Variants in SOX5 observed in about 807,000 individuals in gnomAD.
The protein encoded by SOX5 is SRY-box transcription factor 5, also known as transcription factor SOX-5.
In SOX5, 9 loss-of-function variants were observed where a neutral mutation model predicts 92.0. The observed-to-expected ratio is 0.10, with a 90% confidence interval of 0.06 to 0.17. The LOEUF is 0.17. SOX5 is among the 10% of genes least tolerant of loss of function. The probability of loss-of-function intolerance (pLI) is 1.00; values close to 1 mark genes in which losing one functional copy is unlikely to be tolerated. For missense variants in SOX5, 642 were observed against 944.5 expected, an observed-to-expected ratio of 0.68 and a Z score of 4.20; for synonymous variants, 344 against 336.3, an observed-to-expected ratio of 1.02 and a Z score of -0.25.
At chr12:23,659,860 G>A (rs1456106725) in intron 7 of SOX5, among the ~76,000 whole-genome samples, 4 of 152,054 alleles carry the variant, frequency 2.6e-5, no homozygotes, top group Non-Finnish European at 5.9e-5. Context: ...CCAGCTACTT[G>A]GGAGGCTGAG....
chr12:23,812,494 T>C (rs947422170), intron 3 of SOX5, among the ~76,000 whole-genome samples: 1 of 151,986 alleles, frequency 6.6e-6, no homozygotes, highest in African/African-American at 2.4e-5. Context: ...GAAAGAAACA[T>C]TTATACTTTA....
At chr12:24,515,753 T>C (rs562493660) in intron 1 of SOX5, among the ~76,000 whole-genome samples, 2 of 152,304 alleles carry the variant, frequency 1.3e-5, no homozygotes, top group East Asian at 1.9e-4. Flanking sequence ...TTTGTCTATA[T>C]ACATTTCCCC....
chr12:24,557,614 A>T (rs1003258533), intron 1 of SOX5, among the ~76,000 whole-genome samples: 1 of 152,150 alleles, frequency 6.6e-6, no homozygotes, highest in Non-Finnish European at 1.5e-5. Context: ...AAGCTACCAG[A>T]GAATACAAAC....
At chr12:23,732,463 T>G (rs2093428641) in intron 6 of SOX5, among the ~76,000 whole-genome samples, 1 of 100,722 alleles carries the variant, frequency 9.9e-6, no homozygotes, top group Admixed American at 1.1e-4. Flanking sequence ...TTAATGAATA[T>G]ACTGGAAGCT....
At chr12:23,616,682 C>A (rs371543461) in intron 8 of SOX5, among the ~76,000 whole-genome samples, 1 of 152,158 alleles carries the variant, frequency 6.6e-6, no homozygotes, top group Non-Finnish European at 1.5e-5. Flanking sequence ...TGAAGGAGAG[C>A]TAACAGCTGT....
intron 1 of SOX5, among the ~76,000 whole-genome samples, chr12:24,371,710 A>G (rs770122926): frequency 5.9e-5 from 9 of 152,214 alleles, no homozygotes; most frequent in Non-Finnish European, 7.3e-5. Flanking sequence ...CATTTGTGCC[A>G]GGCGTGGTGG....
chr12:24,411,490 A>T (rs1452870674), intron 1 of SOX5, among the ~76,000 whole-genome samples: 1 of 152,118 alleles, frequency 6.6e-6, no homozygotes, highest in East Asian at 1.9e-4. Context: ...TTTCTATCTC[A>T]ATTTTTCTGA....
intron 2 of SOX5, among the ~76,000 whole-genome samples, chr12:23,889,553 C>G (rs902060825): frequency 1.3e-5 from 2 of 152,146 alleles, no homozygotes; most frequent in Non-Finnish European, 2.9e-5. Flanking sequence ...CAGGAGCTGA[C>G]AGTGAGCCTG....
intron 3 of SOX5, among the ~76,000 whole-genome samples, chr12:23,756,698 T>C (rs2094393986): frequency 6.6e-6 from 1 of 151,940 alleles, no homozygotes; most frequent in Admixed American, 6.6e-5. Context: ...ACACTTATTA[T>C]ATAGATCAAG....
At chr12:23,702,970 C>A (rs144139272) in intron 6 of SOX5, among the ~76,000 whole-genome samples, 239 of 152,050 alleles carry the variant, frequency 1.6e-3, no homozygotes, top group Non-Finnish European at 2.9e-3. Context: ...ACTGCACATT[C>A]ATTTGAATTC....
intron 10 of SOX5, among the ~76,000 whole-genome samples, chr12:23,567,817 A>C (rs1193371846): frequency 6.6e-6 from 1 of 152,048 alleles, no homozygotes; most frequent in Non-Finnish European, 1.5e-5. Flanking sequence ...TATTCTCAAA[A>C]TTTCTGTTTT....
At chr12:24,199,461 G>A (rs557787845) in intron 4 of SOX5, among the ~76,000 whole-genome samples, 7 of 152,246 alleles carry the variant, frequency 4.6e-5, no homozygotes, top group East Asian at 1.9e-4. Flanking sequence ...ATGTCTGAAC[G>A]GATGACTTCT....
chr12:24,377,623 A>G (rs988254254), intron 1 of SOX5, among the ~76,000 whole-genome samples: 3 of 152,204 alleles, frequency 2.0e-5, no homozygotes, highest in African/African-American at 7.2e-5. Context: ...CTGGAACCCA[A>G]GTACCCTCTT....
chr12:23,917,629 AG>A (rs1296875614), intron 1 of SOX5, among the ~76,000 whole-genome samples: 4 of 152,174 alleles, frequency 2.6e-5, no homozygotes, highest in Non-Finnish European at 5.9e-5. Context: ...TTGCTTCAAC[AG>A]GTAGTGTGCT....
chr12:24,092,632 C>T (rs971375102), intron 4 of SOX5, among the ~76,000 whole-genome samples: 3 of 152,158 alleles, frequency 2.0e-5, no homozygotes, highest in Non-Finnish European at 4.4e-5. Flanking sequence ...CATCTTCAAC[C>T]AGCCCTCAAT....
chr12:24,182,878 T>A (rs1025566484), intron 4 of SOX5, among the ~76,000 whole-genome samples: 2 of 152,128 alleles, frequency 1.3e-5, no homozygotes, highest in African/African-American at 4.8e-5. Flanking sequence ...CACGCCCAGC[T>A]AATTTTTGTA....
intron 6 of SOX5, among the ~76,000 whole-genome samples, chr12:23,681,855 A>G (rs1030292686): frequency 6.6e-6 from 1 of 151,824 alleles, no homozygotes; most frequent in African/African-American, 2.4e-5. Context: ...TTTATAATGA[A>G]CTAACACTAA....
chr12:24,032,309 A>G (rs1404104004), intron 4 of SOX5, among the ~76,000 whole-genome samples: 1 of 151,850 alleles, frequency 6.6e-6, no homozygotes, highest in Non-Finnish European at 1.5e-5. Flanking sequence ...GTTTTATCAT[A>G]CACCATTCTT....
intron 1 of SOX5, among the ~76,000 whole-genome samples, chr12:23,939,879 A>C (rs1005842671): frequency 1.3e-5 from 2 of 150,990 alleles, no homozygotes; most frequent in African/African-American, 2.4e-5. Flanking sequence ...TGGTAATGCT[A>C]ATAGTTATTT....
Sources: gnomAD v4.1 joint callset for allele counts (sites outside exome capture counted in the v4.1 genomes callset) on GRCh38, gnomAD v4.1.1 for gene constraint, MANE v1.5 for transcripts, NCBI Gene and HGNC (gene_info 2026-07-23, HGNC 2026-07-21) for gene names.